Variants in FNIP1 observed in about 807,000 individuals in gnomAD.
The protein encoded by FNIP1 is folliculin-interacting protein 1.
A neutral mutation model predicts 124.5 loss-of-function variants in FNIP1; 40 were observed. That is an observed-to-expected ratio of 0.32 (90% CI 0.25 to 0.42). The LOEUF (loss-of-function observed/expected upper bound fraction) is 0.42, where lower values mean the gene tolerates loss of function less well. Ranked by LOEUF, FNIP1 falls within the 10% of genes least tolerant of loss-of-function variation. FNIP1 has a pLI of 1.00. For missense variants in FNIP1, 1,176 were observed against 1,403.7 expected, an observed-to-expected ratio of 0.84 and a Z score of 2.59; for synonymous variants, 472 against 470.6, an observed-to-expected ratio of 1.00 and a Z score of -0.04.
At chr5:131,721,640 T>C (rs1255549100) in intron 3 of FNIP1, among the ~76,000 whole-genome samples, 1 of 152,204 alleles carries the variant, frequency 6.6e-6, no homozygotes, top group South Asian at 2.1e-4. Context: ...CTGCTAAAAA[T>C]ACAAAAAATT....
At chr5:131,671,358 A>T in intron 14 of FNIP1, 147 bp downstream of exon 14, 2 of 683,768 alleles carry the variant, frequency 2.9e-6, no homozygotes, top group Non-Finnish European at 4.7e-6. Context: ...CTTAGCCTTT[A>T]CTCCTTCTTA....
chr5:131,682,627 G>A (rs1768128143), intron 11 of FNIP1, among the ~76,000 whole-genome samples: 1 of 151,448 alleles, frequency 6.6e-6, no homozygotes, highest in African/African-American at 2.4e-5. Context: ...TGAGGCACAA[G>A]AATCACTTGA....
rs1020764216 is a variant in FNIP1, at chr5:131,775,567, G to A, written c.92+21263C>T. On this transcript the variant is annotated intron_variant, in intron 1 of 17. Transcript: ENST00000510461. ...TTTTGAGAAGGAGTTTCGCTCTTTC[G>A]TCCAGGCTGGAGTGAAGTGGCGCAC... Among the ~76,000 whole-genome samples the A allele has an allele frequency of 5.3e-5, 7 of 131,656 alleles. No homozygotes were observed. The East Asian group carries it at 8.6e-4, about 16-fold the overall frequency. 86.4% of individuals were successfully genotyped at this position (131,656 alleles called of 152,430 possible).
intron 1 of FNIP1, among the ~76,000 whole-genome samples, chr5:131,767,619 G>A (rs917457573): frequency 6.6e-6 from 1 of 152,014 alleles, no homozygotes; most frequent in Non-Finnish European, 1.5e-5. Context: ...GAAGCTGTAA[G>A]AGATAATGAA....
chr5:131,697,468 T>C (rs1366717140), intron 11 of FNIP1, among the ~76,000 whole-genome samples: 1 of 152,180 alleles, frequency 6.6e-6, no homozygotes. Flanking sequence ...TTTATTTTTA[T>C]AGCTAGTTTT....
chr5:131,679,585 A>G (rs1009219776), intron 11 of FNIP1, among the ~76,000 whole-genome samples: 23 of 152,370 alleles, frequency 1.5e-4, no homozygotes, highest in African/African-American at 5.5e-4. Context: ...ATGAGGTAAC[A>G]GCTTATCCAT....
chr5:131,787,551 T>C (rs776920572), intron 1 of FNIP1, among the ~76,000 whole-genome samples: 3 of 152,190 alleles, frequency 2.0e-5, no homozygotes, highest in African/African-American at 4.8e-5. Context: ...GCTCTAGAAC[T>C]TAAACATCTA....
intron 2 of FNIP1, among the ~76,000 whole-genome samples, chr5:131,741,239 A>G (rs1440580017): frequency 6.6e-6 from 1 of 152,140 alleles, no homozygotes; most frequent in African/African-American, 2.4e-5. Flanking sequence ...ATCACTACAC[A>G]TATTCACTTT....
intron 2 of FNIP1, among the ~76,000 whole-genome samples, chr5:131,734,698 G>A (rs1348593158): frequency 3.9e-5 from 6 of 152,158 alleles, no homozygotes; most frequent in African/African-American, 7.2e-5. Context: ...GCAGCCAACA[G>A]ACACATGAAA....
intron 13 of FNIP1, among the ~76,000 whole-genome samples, chr5:131,676,961 T>G (rs1767930582): frequency 3.3e-5 from 5 of 152,132 alleles, no homozygotes; most frequent in Admixed American, 3.3e-4. Context: ...CACCAAAATG[T>G]TCTCATCTTA....
intron 1 of FNIP1, among the ~76,000 whole-genome samples, chr5:131,763,441 C>T (rs1177598756): frequency 6.6e-6 from 1 of 152,102 alleles, no homozygotes; most frequent in Non-Finnish European, 1.5e-5. Flanking sequence ...TTTTAAATGC[C>T]TTACAGTTCT....
chr5:131,667,573 T>TTTGTTTG (rs1767638663), intron 15 of FNIP1, among the ~76,000 whole-genome samples: 4 of 150,824 alleles, frequency 2.7e-5, no homozygotes, highest in African/African-American at 9.7e-5. Context: ...ACTTCTGTTT[T>TTTGTTTG]TTTGTTTGTT....
chr5:131,678,830 C>T (rs866522661), intron 12 of FNIP1, among the ~76,000 whole-genome samples, 199 bp downstream of exon 12: 1 of 152,004 alleles, frequency 6.6e-6, no homozygotes, highest in Admixed American at 6.5e-5. Flanking sequence ...TACATAATTA[C>T]AGACATTTTC....
intron 8 of FNIP1, 65 bp from the exon 9 acceptor site, chr5:131,706,611 T>C: frequency 7.2e-7 from 1 of 1,386,096 alleles, no homozygotes; most frequent in Non-Finnish European, 9.5e-7. Flanking sequence ...AAATTTCTTT[T>C]TAACAAAATT....
chr5:131,737,248 T>C (rs1009563016), intron 2 of FNIP1, among the ~76,000 whole-genome samples: 3 of 152,228 alleles, frequency 2.0e-5, no homozygotes, highest in Admixed American at 1.3e-4. Context: ...TAGTTGCTGC[T>C]GTTTGCTTTC....
At chr5:131,745,775 A>T (rs889919329) in intron 1 of FNIP1, among the ~76,000 whole-genome samples, 1 of 152,092 alleles carries the variant, frequency 6.6e-6, no homozygotes, top group Non-Finnish European at 1.5e-5. Context: ...ACAATGACTC[A>T]CACACACACA....
chr5:131,651,237 C>T (rs1767029629), intron 16 of FNIP1, among the ~76,000 whole-genome samples: 2 of 152,048 alleles, frequency 1.3e-5, no homozygotes, highest in Non-Finnish European at 2.9e-5. Context: ...TAAAAAAATA[C>T]AAAATATTAG....
chr5:131,655,768 ATTAG>A (rs1223567993), intron 15 of FNIP1, among the ~76,000 whole-genome samples: 1 of 150,978 alleles, frequency 6.6e-6, no homozygotes, highest in East Asian at 1.9e-4. Flanking sequence ...AAAAAAAAAA[ATTAG>A]TTAGGCATGG....
chr5:131,647,251 A>G, intron 16 of FNIP1, 46 bp from the exon 17 acceptor site: 1 of 1,413,002 alleles, frequency 7.1e-7, no homozygotes, highest in Non-Finnish European at 1.0e-6. Context: ...AACAGTTTGC[A>G]ACTCTCAGTC....
Sources: allele counts gnomAD v4.1 joint callset (sites outside exome capture counted in the v4.1 genomes callset), GRCh38; gene constraint gnomAD v4.1.1; transcripts MANE v1.5; gene names NCBI Gene and HGNC (gene_info 2026-07-23, HGNC 2026-07-21).